Variants in ERMP1 observed in about 807,000 individuals in gnomAD.
ERMP1 encodes the protein endoplasmic reticulum metallopeptidase 1, also known as Felix-ina.
A neutral mutation model predicts 92.0 loss-of-function variants in ERMP1; 86 were observed. The observed-to-expected ratio is 0.93, with a 90% CI of 0.79 to 1.12. The LOEUF is 1.12. ERMP1 is among the 50% of genes most tolerant of loss of function. The pLI is 0.00. For missense variants in ERMP1, 1,342 were observed against 1,116.3 expected (o/e 1.20, Z -2.88); for synonymous variants, 530 against 412.8 (o/e 1.28, Z -3.44).
At chr9:5,802,896 A>G (rs1170352791) in intron 10 of ERMP1, among the ~76,000 whole-genome samples, 2 of 152,014 alleles carry the variant, frequency 1.3e-5, no homozygotes, top group African/African-American at 4.8e-5. Context: ...CCATCTCAGA[A>G]CCTAGAGTGA....
At chr9:5,840,900 A>G (rs960351542) in intron 6 of ERMP1, among the ~76,000 whole-genome samples, 1 of 152,228 alleles carries the variant, frequency 6.6e-6, no homozygotes, top group African/African-American at 2.4e-5. Flanking sequence ...ATGAAAGGCA[A>G]TAGAAAATGC....
In ERMP1 at chr9:5,830,805, C is replaced by T; in HGVS notation, c.562G>A (p.Val188Ile). 2 of 1,614,006 alleles carry T rather than the reference C, an allele frequency of 1.2e-6. No homozygotes were observed. Among genetic ancestry groups the T allele is most frequent in the Non-Finnish European group, 1.7e-6 (2 of 1,179,900 alleles). Residue 188 changes from valine (V) to isoleucine (I), a missense_variant, in exon 2 of 15, where the codon GTA (valine) becomes ATA (isoleucine). Physicochemically the swap from Val to Ile is conservative, Grantham distance 29. Transcript: ENST00000339450. ...GCTCCATCTCTGGGTTCCAGCTTTA[C>T]CACAACATTGGTGATGTTGTCATAA... is the stretch of plus-strand genomic sequence containing the variant. The part of the protein sequence containing the change: ...SYYDNITNVV[V>I]KLEPRDGAQH...
chr9:5,837,834 T>C (rs1387052902), upstream of ERMP1, among the ~76,000 whole-genome samples: 1 of 152,204 alleles, frequency 6.6e-6, no homozygotes, highest in Non-Finnish European at 1.5e-5. Flanking sequence ...CTGGGCACAG[T>C]AGCTCAGCCT....
At position 5,833,013 on chromosome 9, in the gene ERMP1, A is replaced by G. The variant is rs1216243771; in HGVS notation, c.15T>C (p.Ser5=). MEWG[S]ESAAVRRHRV... ...GGTGCCGCCTCACAGCAGCCGACTC[A>G]GAACCCCACTCCATGGCCACGAGCC... Residue 5 remains serine, a synonymous_variant, in exon 1 of 15, where the codon TCT becomes TCC. Coordinates refer to ENST00000339450, the MANE Select transcript of ERMP1 (RefSeq NM_024896.3). 6.5e-7 allele frequency: 1 copy of G among 1,547,708 alleles called. No homozygotes were observed. Among genetic ancestry groups the G allele is most frequent in the Non-Finnish European group, 8.6e-7 (1 of 1,157,582 alleles).
At chr9:5,806,772 T>C (rs550775363) in intron 8 of ERMP1, among the ~76,000 whole-genome samples, 2 of 152,266 alleles carry the variant, frequency 1.3e-5, no homozygotes, top group East Asian at 3.9e-4. Context: ...AACATCTGCA[T>C]GAGTAATTCT....
chr9:5,832,685 G>T lies in ERMP1; in HGVS notation c.338+5C>A. On this transcript the variant is annotated splice_donor_5th_base_variant and intron_variant, in intron 1 of 14. Transcript: ENST00000339450. Reference sequence around the variant, plus strand: ...CGGGCCGTGCCAGGAGGGAGCGGCCGGTACCTGGCTTGGAGCGCGTCGAAC... The same window carrying T: ...CGGGCCGTGCCAGGAGGGAGCGGCCTGTACCTGGCTTGGAGCGCGTCGAAC... The T allele has an allele frequency of 7.0e-7, 1 of 1,433,150 alleles. No individual in the cohort carries two copies. 88.8% of individuals were successfully genotyped at this position (1,433,150 alleles called of 1,614,324 possible). A position where few individuals can be genotyped will look rare whatever the true frequency, so the allele number is the denominator to read the frequency against.
chr9:5,815,377 C>CA lies in ERMP1; in HGVS notation c.875-2343dup. ...ATCAAAAAGACATGTCAAAGGGGCT[C>CA]AGGCACTGATTTGAAATAGACACCA... is the stretch of plus-strand genomic sequence containing the variant. On this transcript the variant is annotated intron_variant, in intron 4 of 14. Coordinates refer to ENST00000339450, the MANE Select transcript of ERMP1 (RefSeq NM_024896.3). Among the ~76,000 whole-genome samples, 2 of 151,570 alleles carry CA rather than the reference C, an allele frequency of 1.3e-5. 1 individual carries two copies. Among genetic ancestry groups the CA allele is most frequent in the South Asian group, 4.2e-4 (2 of 4,794 alleles).
In ERMP1 at chr9:5,805,111, G is replaced by A. The variant is rs754533913; in HGVS notation, c.1830C>T (p.Leu610=). The change falls in exon 10 of 15, where the codon CTC becomes CTT. Residue 610 remains leucine, a synonymous_variant. Transcript: ENST00000339450. The stretch of plus-strand genomic sequence containing the variant: ...GTGGGATTTCAGAACCACTTCTCCC[G>A]AGGATAGGGGTAAACATCTCAAATA... The part of the protein sequence containing the change: ...WAVFEMFTPI[L]GRSGSEIPPD... 13 of 1,613,444 alleles carry A rather than the reference G, an allele frequency of 8.1e-6. No homozygotes were observed. Among genetic ancestry groups the A allele is most frequent in the East Asian group, 2.2e-5 (1 of 44,866 alleles).
At chr9:5,812,701 G>A (rs1029440423) in intron 5 of ERMP1, 188 bp downstream of exon 5, 2 of 654,788 alleles carry the variant, frequency 3.1e-6, no homozygotes, top group African/African-American at 3.6e-5. Flanking sequence ...TATTTTAGAG[G>A]AGGCCAGCAT....
intron 6 of ERMP1, among the ~76,000 whole-genome samples, chr9:5,811,693 A>G (rs1348168713): frequency 6.6e-6 from 1 of 152,178 alleles, no homozygotes; most frequent in Non-Finnish European, 1.5e-5. Context: ...TTAATAATAT[A>G]TATTAACTGT....
chr9:5,861,502 C>A (rs1039035603), intron 5 of ERMP1, among the ~76,000 whole-genome samples: 3 of 151,776 alleles, frequency 2.0e-5, no homozygotes, highest in Non-Finnish European at 2.9e-5. Context: ...GATTAAAGAC[C>A]TATTTGTCTT....
In ERMP1 at chr9:5,832,864, C is replaced by A. The variant is rs1417733935; in HGVS notation, c.164G>T (p.Gly55Val). 3 of 1,521,346 alleles carry A rather than the reference C, an allele frequency of 2.0e-6. No homozygotes were observed. Among genetic ancestry groups the A allele is most frequent in the Non-Finnish European group, 1.7e-6 (2 of 1,143,700 alleles). 94.2% of individuals were successfully genotyped at this position (1,521,346 alleles called of 1,614,324 possible). A position where few individuals can be genotyped will look rare whatever the true frequency, so the allele number is the denominator to read the frequency against. Residue 55 changes from glycine to valine, a missense_variant, in exon 1 of 15, where the codon GGG becomes GTG. Physicochemically the swap from Gly to Val is moderately radical, Grantham distance 109 (BLOSUM62 -3). Coordinates refer to ENST00000339450, the MANE Select transcript of ERMP1 (RefSeq NM_024896.3). Reference sequence around the variant, plus strand: ...GCCCCTGCTCGCGCCGCCGCTACCCCCGGGGCTCCTCTTCCGCGTCCTCCC... The same window carrying A: ...GCCCCTGCTCGCGCCGCCGCTACCCACGGGGCTCCTCTTCCGCGTCCTCCC... ...GGGRTRKRSP[G>V]GSGGASRGAG...
At chr9:5,840,815 G>C (rs1168028252) in intron 6 of ERMP1, among the ~76,000 whole-genome samples, 2 of 152,290 alleles carry the variant, frequency 1.3e-5, no homozygotes, top group East Asian at 1.9e-4. Context: ...ACCTTCATTT[G>C]CATGGCATTA....
chr9:5,830,460 G>C (rs1207245994), intron 2 of ERMP1, among the ~76,000 whole-genome samples: 1 of 152,164 alleles, frequency 6.6e-6, no homozygotes, highest in African/African-American at 2.4e-5. Context: ...TGAGAAAGCT[G>C]CTTCAGTCTA....
At chr9:5,820,297 T>C (rs2131257139) in intron 4 of ERMP1, among the ~76,000 whole-genome samples, 1 of 152,258 alleles carries the variant, frequency 6.6e-6, no homozygotes, top group East Asian at 1.9e-4. Flanking sequence ...AGACTCCACC[T>C]CAAAAAGAAA....
chr9:5,809,261 C>T (rs576509036), intron 8 of ERMP1, among the ~76,000 whole-genome samples: 45 of 151,752 alleles, frequency 3.0e-4, no homozygotes, highest in African/African-American at 9.7e-4. Context: ...ACCTTGTGAT[C>T]CGCCCACCTC....
At chr9:5,799,690 G>T (rs1828594813) in intron 11 of ERMP1, among the ~76,000 whole-genome samples, 1 of 152,190 alleles carries the variant, frequency 6.6e-6, no homozygotes, top group South Asian at 2.1e-4. Context: ...CACTGCAACA[G>T]ACTGTATTGC....
rs529549755 is a variant in ERMP1, at chr9:5,846,240, T to G, written n.3200-12928A>C. On this transcript the variant is annotated intron_variant and non_coding_transcript_variant, in intron 6 of 6. Coordinates refer to the ERMP1 transcript ENST00000690753. ...CAAAAGCAGCCTGCATCCATGTCAC[T>G]ATTAAGGCACCAGATGGACAGTCTT... Among the ~76,000 whole-genome samples, 5 of 152,280 alleles carry G rather than the reference T, an allele frequency of 3.3e-5. No homozygotes were observed. The South Asian group carries it at 1.0e-3, about 32-fold the overall frequency.
intron 4 of ERMP1, among the ~76,000 whole-genome samples, chr9:5,817,151 G>A (rs1199484003): frequency 6.6e-6 from 1 of 151,944 alleles, no homozygotes; most frequent in East Asian, 1.9e-4. Context: ...GCCTGCCTCG[G>A]CCTCCCAAAG....
Sources: allele counts gnomAD v4.1 joint callset (sites outside exome capture counted in the v4.1 genomes callset), GRCh38; gene constraint gnomAD v4.1.1; transcripts MANE v1.5; gene names NCBI Gene and HGNC (gene_info 2026-07-23, HGNC 2026-07-21).